NUDT14: variants seen among roughly 807,000 people sequenced by gnomAD.
NUDT14 encodes the protein uridine diphosphate glucose pyrophosphatase NUDT14.
NUDT14 carries 22 observed loss-of-function variants against 17.5 expected under a neutral mutation model. The observed-to-expected ratio is 1.26, with a 90% CI of 0.90 to 1.80. NUDT14 has a LOEUF of 1.80. Ranked by LOEUF, NUDT14 falls within the 40% of genes most tolerant of loss-of-function variation. The pLI is 0.00. For missense variants in NUDT14, 296 were observed against 295.6 expected, an observed-to-expected ratio of 1.00 and a Z score of -0.01; for synonymous variants, 129 against 125.8, an observed-to-expected ratio of 1.03 and a Z score of -0.17.
At chr14:105,174,684 C>T (rs1025286612) in intron 4 of NUDT14, among the ~76,000 whole-genome samples, 1 of 152,122 alleles carries the variant, frequency 6.6e-6, no homozygotes, top group Non-Finnish European at 1.5e-5. Context: ...GGGTTTCCAG[C>T]CCCGGTTTCC....
chr14:105,178,338 G>A (rs1889260437), intron 1 of NUDT14, among the ~76,000 whole-genome samples: 1 of 152,070 alleles, frequency 6.6e-6, no homozygotes, highest in African/African-American at 2.4e-5. Context: ...TGGTGACCAG[G>A]CTCGGCAGCC....
intron 1 of NUDT14, among the ~76,000 whole-genome samples, chr14:105,180,068 A>G (rs1595202199): frequency 6.6e-6 from 1 of 152,152 alleles, no homozygotes; most frequent in Non-Finnish European, 1.5e-5. Flanking sequence ...TGCTGGGGGC[A>G]GGTGGGCATG....
Position 105,181,030 on chromosome 14 carries a change from T to A in NUDT14, c.81+99A>T, listed in dbSNP as rs1889315354. On this transcript the variant is annotated intron_variant, in intron 1 of 4. Coordinates refer to ENST00000392568, the MANE Select transcript of NUDT14 (RefSeq NM_177533.5). This position sits in a 1 kb window ranked among gnomAD's most constrained non-coding sequence, Gnocchi z 5.0. ...GATCGGCGGGAGGCGGGGGCGGGGC[T>A]CCGGGGCGGGGCCGGCAGCGCGGAA... The A allele has an allele frequency of 3.3e-6, 1 of 305,678 alleles. No individual in the cohort carries two copies. The highest frequency in any genetic ancestry group is 1.6e-4 in the East Asian group (1 of 6,096). 18.9% of individuals were successfully genotyped at this position (305,678 alleles called of 1,614,324 possible). A position where few individuals can be genotyped will look rare whatever the true frequency, so the allele number is the denominator to read the frequency against.
In NUDT14 at chr14:105,177,748, G is replaced by A; in HGVS notation, c.82-13C>T. ...TCTGGGCACCATTCTAGAAGGGGCA[G>A]GTCAGCGGTTAGAATGTCCCAGGAT... On this transcript the variant is annotated splice_polypyrimidine_tract_variant and intron_variant, in intron 1 of 4. Transcript: ENST00000392568. 1.2e-6 allele frequency: 2 copies of A among 1,611,966 alleles called. No homozygotes were observed. The highest frequency in any genetic ancestry group is 1.7e-6 in the Non-Finnish European group (2 of 1,179,338).
At chr14:105,176,916 C>T (rs1292105869) in intron 3 of NUDT14, 47 bp downstream of exon 3, 1 of 1,588,454 alleles carries the variant, frequency 6.3e-7, no homozygotes, top group African/African-American at 1.3e-5. Flanking sequence ...ACCACAGGGA[C>T]CTGAAGGTGA....
At chr14:105,175,110 G>A (rs1282973293) in intron 4 of NUDT14, among the ~76,000 whole-genome samples, 2 of 152,294 alleles carry the variant, frequency 1.3e-5, no homozygotes, top group East Asian at 3.9e-4. Flanking sequence ...CTGTGGCCCA[G>A]AGGCTGTACC....
Position 105,173,591 on chromosome 14 carries a change from G to C in NUDT14, c.429-330C>G, listed in dbSNP as rs2141005616. ...TGGCCCGATCACGAAGCCCTCCAGA[G>C]GGTGTTTCAACGCCAGAAAGGGAGA... On this transcript the variant is annotated intron_variant, in intron 4 of 4. Coordinates refer to ENST00000392568, the MANE Select transcript of NUDT14 (RefSeq NM_177533.5). This position sits in a 1 kb window ranked among gnomAD's most constrained non-coding sequence, Gnocchi z 4.7. 1 of 226,132 alleles carries C rather than the reference G, an allele frequency of 4.4e-6. No homozygotes were observed. Among genetic ancestry groups the C allele is most frequent in the East Asian group, 8.6e-5 (1 of 11,572 alleles). 14.0% of individuals were successfully genotyped at this position (226,132 alleles called of 1,614,324 possible).
chr14:105,176,432 CAAG>C (rs1566777481), intron 4 of NUDT14, 99 bp downstream of exon 4: 9 of 992,000 alleles, frequency 9.1e-6, no homozygotes, highest in Non-Finnish European at 1.4e-5. Context: ...TGTTGGAAAA[CAAG>C]GAGGAATCCA....
At chr14:105,177,835 G>A (rs1889249162) in intron 1 of NUDT14, 100 bp from the exon 2 acceptor site, 1 of 1,163,226 alleles carries the variant, frequency 8.6e-7, no homozygotes, top group South Asian at 1.3e-5. Context: ...CCTAACCAGG[G>A]AGATCGGCTC....
At chr14:105,175,571 T>G (rs1236014497) in intron 4 of NUDT14, 1 of 243,816 alleles carries the variant, frequency 4.1e-6, no homozygotes, top group Non-Finnish European at 6.6e-6. Context: ...CTGGCTAATT[T>G]TGTACTTTTA....
intron 4 of NUDT14, 76 bp downstream of exon 4, chr14:105,176,458 A>G: frequency 1.7e-6 from 2 of 1,184,564 alleles, no homozygotes; most frequent in Non-Finnish European, 2.5e-6. Flanking sequence ...CTGCTTGCAC[A>G]CTCCCAGGGA....
chr14:105,178,915 C>T (rs906366193), intron 1 of NUDT14, among the ~76,000 whole-genome samples: 1 of 152,154 alleles, frequency 6.6e-6, no homozygotes, highest in African/African-American at 2.4e-5. Context: ...GGGCCGGCGT[C>T]CCGCGCAGGT....
Position 105,176,742 on chromosome 14 carries a change from A to G in NUDT14, c.220T>C (p.Phe74Leu), listed in dbSNP as rs1330559948. Residue 74 changes from phenylalanine (F) to leucine (L), a missense_variant, in exon 4 of 5, where the codon TTC becomes CTC. Transcript: ENST00000392568. ...TCTACAGCTGCTAGGGACCCTGGGA[A>G]GCGGCGCTCCACCTCACCCGCATAC... ...AVYAGEVERR[F>L]PGSLAAVDQD... 1.2e-6 allele frequency: 2 copies of G among 1,612,426 alleles called. No homozygotes were observed. Among genetic ancestry groups the G allele is most frequent in the East Asian group, 2.2e-5 (1 of 44,882 alleles).
Position 105,177,684 on chromosome 14 carries a change from G to A in NUDT14, c.125+8C>T. The A allele has an allele frequency of 1.2e-6, 2 of 1,612,024 alleles. No individual in the cohort carries two copies. The highest frequency in any genetic ancestry group is 1.3e-5 in the African/African-American group (1 of 75,038). The stretch of plus-strand genomic sequence containing the variant: ...TTCCCCAGTGGCCAGGCTGGGCCAG[G>A]CTCTCACCTGTCATGCGTCTTCATG... On this transcript the variant is annotated splice_region_variant and intron_variant, in intron 2 of 4. Coordinates refer to ENST00000392568, the MANE Select transcript of NUDT14 (RefSeq NM_177533.5).
rs938945314 is a variant in NUDT14, at chr14:105,180,675, C to G, written c.81+454G>C. Among the ~76,000 whole-genome samples the G allele has an allele frequency of 3.9e-5, 6 of 152,230 alleles. No homozygotes were observed. The East Asian group carries it at 1.2e-3, about 29-fold the overall frequency. On this transcript the variant is annotated intron_variant, in intron 1 of 4. Transcript: ENST00000392568. ...GGAAGCCTGCTTTGAGAGGCTCTCT[C>G]AAGTTCTCACTCAGCTCCTTCTCCT...
rs773094675 is a variant in NUDT14, at chr14:105,177,754, C to T, written c.82-19G>A. ...CACCATTCTAGAAGGGGCAGGTCAG[C>T]GGTTAGAATGTCCCAGGATGGGCGG... On this transcript the variant is annotated intron_variant, in intron 1 of 4. Coordinates refer to ENST00000392568, the MANE Select transcript of NUDT14 (RefSeq NM_177533.5). 46 of 1,611,222 alleles carry T rather than the reference C, an allele frequency of 2.9e-5. No individual in the cohort carries two copies. The highest frequency in any genetic ancestry group is 3.7e-5 in the Non-Finnish European group (44 of 1,178,776).
Position 105,177,004 on chromosome 14 carries a change from G to C in NUDT14, c.149C>G (p.Ser50Cys). The C allele has an allele frequency of 6.2e-7, 1 of 1,612,112 alleles. No individual in the cohort carries two copies. Residue 50 changes from serine (S) to cysteine (C), a missense_variant, in exon 3 of 5, where the codon TCT (serine) becomes TGT (cysteine). Physicochemically the swap from Ser to Cys is moderately radical, Grantham distance 112. Transcript: ENST00000392568. The stretch of plus-strand genomic sequence containing the variant: ...CACCAACACCAGGCTCCTCCGAGAA[G>C]AGTTGAATAAGAGAACGGTCACGCT... ...HDSVTVLLFN[S>C]SRRSLVLVKQ...
intron 4 of NUDT14, chr14:105,175,782 G>C: frequency 9.8e-7 from 1 of 1,015,830 alleles, no homozygotes; most frequent in Non-Finnish European, 1.2e-6. Flanking sequence ...AGGCTGCTGA[G>C]GTGGGAGGGC....
At chr14:105,174,029 G>A (rs1183005498) in intron 4 of NUDT14, among the ~76,000 whole-genome samples, 1 of 152,098 alleles carries the variant, frequency 6.6e-6, no homozygotes, top group Admixed American at 6.5e-5. Context: ...ACAAGTTTCA[G>A]ACTAGGAACA....
Sources: allele counts gnomAD v4.1 joint callset (sites outside exome capture counted in the v4.1 genomes callset), GRCh38; gene constraint gnomAD v4.1.1; non-coding constraint Gnocchi (gnomAD v3.1); transcripts MANE v1.5; gene names NCBI Gene and HGNC (gene_info 2026-07-23, HGNC 2026-07-21).